Variants in PSTPIP2 observed in about 807,000 individuals in gnomAD.
The protein encoded by PSTPIP2 is proline-serine-threonine phosphatase-interacting protein 2.
Under a neutral mutation model 63.3 loss-of-function variants are expected in PSTPIP2, and 33 were observed. The observed-to-expected ratio is 0.52, with a 90% CI of 0.40 to 0.70. The LOEUF is 0.70. Ranked by LOEUF, PSTPIP2 falls within the 30% of genes least tolerant of loss-of-function variation. The pLI, the probability that PSTPIP2 is intolerant of heterozygous loss-of-function variation, is 0.00. For missense variants in PSTPIP2, 312 were observed against 400.7 expected (o/e 0.78, Z 1.89); for synonymous variants, 125 against 132.7 (o/e 0.94, Z 0.40).
rs146631716 is a variant in PSTPIP2, at chr18:46,013,633, G to T, written c.247+2270C>A. On this transcript the variant is annotated intron_variant, in intron 4 of 14. Transcript: ENST00000409746. ...TTCCAAGTTGCAGTTATAACCAAAG[G>T]CCACAAAGTGGAAATGAGAACTGAG... Among the ~76,000 whole-genome samples, 536 of 152,074 alleles carry T rather than the reference G, an allele frequency of 3.5e-3. 3 individuals are homozygous for T. Among genetic ancestry groups the T allele is most frequent in the Middle Eastern group, 0.01 (3 of 294 alleles).
intron 3 of PSTPIP2, among the ~76,000 whole-genome samples, chr18:46,023,309 C>A (rs763927565): frequency 6.6e-6 from 1 of 152,034 alleles, no homozygotes; most frequent in Non-Finnish European, 1.5e-5. Context: ...ACCTGTAATC[C>A]CAGTACTTTG....
At chr18:46,023,140 G>A (rs2144094627) in intron 3 of PSTPIP2, among the ~76,000 whole-genome samples, 1 of 152,264 alleles carries the variant, frequency 6.6e-6, no homozygotes, top group African/African-American at 2.4e-5. Context: ...AAGAGGAAGA[G>A]GATCAGGAAA....
chr18:46,022,394 C>T (rs767308308), intron 3 of PSTPIP2, among the ~76,000 whole-genome samples: 2 of 152,008 alleles, frequency 1.3e-5, no homozygotes, highest in Admixed American at 6.6e-5. Flanking sequence ...CAGACCTCTG[C>T]GCATCTCTGA....
At chr18:45,992,720 T>C (rs550087925) in intron 10 of PSTPIP2, among the ~76,000 whole-genome samples, 1 of 151,516 alleles carries the variant, frequency 6.6e-6, no homozygotes, top group East Asian at 1.9e-4. Context: ...TTATTTTTTA[T>C]TTTATTATTT....
intron 4 of PSTPIP2, among the ~76,000 whole-genome samples, chr18:46,014,336 T>G (rs1309276987): frequency 6.6e-6 from 1 of 151,692 alleles, no homozygotes; most frequent in Non-Finnish European, 1.5e-5. Flanking sequence ...GGATCATTTC[T>G]AGGACATAGC....
At chr18:46,022,453 G>C (rs1487382662) in intron 3 of PSTPIP2, among the ~76,000 whole-genome samples, 1 of 152,062 alleles carries the variant, frequency 6.6e-6, no homozygotes, top group Non-Finnish European at 1.5e-5. Context: ...TATGTTATGT[G>C]GTTAGGTCTG....
intron 2 of PSTPIP2, chr18:46,029,356 G>C (rs535682402): frequency 2.1e-5 from 32 of 1,559,500 alleles, no homozygotes; most frequent in Non-Finnish European, 2.7e-5. Context: ...ATTAATGGAA[G>C]GGTTGCAGCA....
At chr18:46,005,563 A>G in intron 5 of PSTPIP2, 32 bp from the exon 6 acceptor site, 1 of 1,447,632 alleles carries the variant, frequency 6.9e-7, no homozygotes, top group Non-Finnish European at 9.5e-7. Context: ...TCTTAATAAA[A>G]ACACAAATCA....
At chr18:46,005,656 T>C in intron 5 of PSTPIP2, 125 bp from the exon 6 acceptor site, 2 of 759,180 alleles carry the variant, frequency 2.6e-6, no homozygotes, top group Non-Finnish European at 2.1e-6. Flanking sequence ...CATTTCACAA[T>C]CTTCAGAGAA....
In PSTPIP2 at chr18:45,984,619, ACTC is replaced by A. The variant is rs2051449511; in HGVS notation, c.*837_*839del. On this transcript the variant is annotated 3_prime_UTR_variant, in exon 15 of 15. Coordinates refer to ENST00000409746, the MANE Select transcript of PSTPIP2 (RefSeq NM_024430.4). ...ATAGTCTGTCCCAAGTTTATTGGCA[ACTC>A]CTCGACCCCACCTTCTTAGTGCAAC... 1.3e-5 allele frequency: 2 copies of A among 152,196 alleles called. No homozygotes were observed. The highest frequency in any genetic ancestry group is 4.1e-4 in the South Asian group (2 of 4,828). The allele number at this position is 152,196 out of a possible 1,614,324, so 9.4% of individuals were successfully genotyped here.
chr18:46,050,864 T>C (rs1908559012), intron 1 of PSTPIP2, among the ~76,000 whole-genome samples: 1 of 151,716 alleles, frequency 6.6e-6, no homozygotes, highest in Non-Finnish European at 1.5e-5. Flanking sequence ...ACTGTGTGCA[T>C]TCTTTTTTTT....
At chr18:46,030,360 T>TG (rs1454721112) in intron 2 of PSTPIP2, among the ~76,000 whole-genome samples, 1 of 151,564 alleles carries the variant, frequency 6.6e-6, no homozygotes. Context: ...AGCTTTTGTT[T>TG]GAAAAAAAAA....
rs184703836 is a variant in PSTPIP2 at position 46,057,383 on chromosome 18, A to G, written c.33+14773T>C. ...ACTGTCGTCACCCAGGCTGGAGTAC[A>G]ATGGCGCAGTCTCAGCTCACTGCAA... On this transcript the variant is annotated intron_variant, in intron 1 of 14. Coordinates refer to ENST00000409746, the MANE Select transcript of PSTPIP2 (RefSeq NM_024430.4). 5.9e-3 allele frequency among the ~76,000 whole-genome samples: 900 copies of G among 151,406 alleles called. 17 individuals carry two copies. The highest frequency in any genetic ancestry group is 0.034 in the Admixed American group (522 of 15,218).
chr18:46,023,072 CA>C (rs1348080673), intron 3 of PSTPIP2, among the ~76,000 whole-genome samples: 3 of 152,124 alleles, frequency 2.0e-5, no homozygotes, highest in Non-Finnish European at 4.4e-5. Flanking sequence ...GATGAGAACA[CA>C]TGGACACGTG....
At chr18:46,029,468 G>A in intron 2 of PSTPIP2, 1 of 1,143,390 alleles carries the variant, frequency 8.7e-7, no homozygotes, top group South Asian at 1.2e-5. Flanking sequence ...CAGATTTGTT[G>A]ATTAAGGCAG....
chr18:45,995,336 C>T (rs373867654), intron 9 of PSTPIP2, among the ~76,000 whole-genome samples: 4 of 152,058 alleles, frequency 2.6e-5, no homozygotes, highest in African/African-American at 9.7e-5. Flanking sequence ...CTCCTGGGCT[C>T]AAGCAATCCA....
At chr18:46,051,108 C>T (rs111719417) in intron 1 of PSTPIP2, among the ~76,000 whole-genome samples, 77 of 152,190 alleles carry the variant, frequency 5.1e-4, no homozygotes, top group Non-Finnish European at 8.8e-5. Flanking sequence ...AGGTGATCCA[C>T]CTGCCTCAGC....
rs1206826721 is a variant in PSTPIP2 at position 46,057,363 on chromosome 18, C to T, written c.33+14793G>A. Among the ~76,000 whole-genome samples, 5 of 151,174 alleles carry T rather than the reference C, an allele frequency of 3.3e-5. 1 individual carries two copies. In the South Asian group the frequency reaches 6.3e-4, roughly 19 times the overall value. On this transcript the variant is annotated intron_variant, in intron 1 of 14. Transcript: ENST00000409746. Reference sequence around the variant, plus strand: ...TTTTTTTGAGGCAGAGTTTCACTGTCGTCACCCAGGCTGGAGTACAATGGC... The same window carrying T: ...TTTTTTTGAGGCAGAGTTTCACTGTTGTCACCCAGGCTGGAGTACAATGGC...
At chr18:46,070,523 G>A (rs1199775147) in intron 1 of PSTPIP2, among the ~76,000 whole-genome samples, 7 of 151,328 alleles carry the variant, frequency 4.6e-5, no homozygotes, top group African/African-American at 1.2e-4. Context: ...TTGTTTGTTC[G>A]TTTTTGAGAC....
Sources: allele counts gnomAD v4.1 joint callset (sites outside exome capture counted in the v4.1 genomes callset), GRCh38; gene constraint gnomAD v4.1.1; transcripts MANE v1.5; gene names NCBI Gene and HGNC (gene_info 2026-07-23, HGNC 2026-07-21).